The following GCC2 variants were observed in gnomAD, a reference collection of about 807,000 sequenced individuals.
GCC2 encodes GRIP and coiled-coil domain-containing protein 2.
In GCC2, 120 loss-of-function variants were observed where a neutral mutation model predicts 210.6. The observed-to-expected ratio is 0.57, with a 90% CI of 0.49 to 0.66. GCC2 has a LOEUF of 0.66. Among genes scored for constraint, GCC2 ranks in the 30% least tolerant of loss-of-function variants. GCC2 has a pLI of 0.00. For synonymous variants in GCC2, 703 were observed against 652.7 expected (o/e 1.08, Z -1.17); for missense variants, 1,868 against 1,871.9 (o/e 1.00, Z 0.04).
At chr2:108,487,214 G>GAT (rs1176837045) in intron 16 of GCC2, among the ~76,000 whole-genome samples, 3 of 152,146 alleles carry the variant, frequency 2.0e-5, no homozygotes, top group South Asian at 4.1e-4. Context: ...AAAAAGAGGG[G>GAT]ATATCATAAG....
chr2:108,493,703 T>C (rs1682512765), intron 19 of GCC2: 4 of 985,324 alleles, frequency 4.1e-6, no homozygotes, highest in South Asian at 4.7e-5. Flanking sequence ...ATGGGAAATA[T>C]TGTCACTGGA....
chr2:108,459,022 C>G (rs938342108), intron 4 of GCC2, among the ~76,000 whole-genome samples: 3 of 151,928 alleles, frequency 2.0e-5, no homozygotes, highest in Non-Finnish European at 4.4e-5. Context: ...TGTTTGAAAT[C>G]TTTTTACTTT....
intron 18 of GCC2, among the ~76,000 whole-genome samples, chr2:108,491,783 TTA>T (rs1023210510): frequency 2.6e-5 from 4 of 150,994 alleles, no homozygotes; most frequent in African/African-American, 7.3e-5. Context: ...ATTTATTTAT[TTA>T]TTTTTTTTAC....
intron 1 of GCC2, among the ~76,000 whole-genome samples, 160 bp downstream of exon 1, chr2:108,449,440 G>C (rs1350722758): frequency 6.6e-6 from 1 of 152,186 alleles, no homozygotes; most frequent in Admixed American, 6.5e-5. Context: ...ATCCCTGGGG[G>C]TTACCTGCCC....
intron 15 of GCC2, among the ~76,000 whole-genome samples, chr2:108,486,270 A>G (rs1049979033): frequency 1.2e-4 from 19 of 152,292 alleles, no homozygotes; most frequent in Non-Finnish European, 2.1e-4. Flanking sequence ...TAAACATTGT[A>G]TGTTAAATAT....
Position 108,471,763 on chromosome 2 carries a change from GAA to G in GCC2, c.2438_2439del (p.Lys813ArgfsTer3). 6.2e-7 allele frequency: 1 copy of G among 1,612,944 alleles called. No homozygotes were observed. The highest frequency in any genetic ancestry group is 8.5e-7 in the Non-Finnish European group (1 of 1,179,548). ...FQRDEKVLEL[E>X]KEIKCLQEES... is the part of the protein sequence containing the mutation. Reference sequence around the variant, plus strand: ...GCGTGATGAAAAAGTATTAGAGTTAGAAAAAGAGATTAAGTGCCTTCAAGAAG... The same window carrying G: ...GCGTGATGAAAAAGTATTAGAGTTAGAAAGAGATTAAGTGCCTTCAAGAAG... On this transcript the variant is annotated frameshift_variant, in exon 6 of 23. Transcript: ENST00000309863. LOFTEE classifies it high-confidence loss of function.
intron 7 of GCC2, 169 bp downstream of exon 7, chr2:108,473,068 C>G: frequency 2.1e-6 from 1 of 485,386 alleles, no homozygotes; most frequent in Non-Finnish European, 3.6e-6. Context: ...TTTGCCTTCT[C>G]TTTCAAAAGT....
intron 7 of GCC2, among the ~76,000 whole-genome samples, chr2:108,474,206 T>C (rs982301451): frequency 6.6e-6 from 1 of 151,926 alleles, no homozygotes; most frequent in Non-Finnish European, 1.5e-5. Context: ...CAAGGGAGTA[T>C]AGCCAAAAGA....
chr2:108,460,797 A>G (rs1680527596), intron 4 of GCC2, among the ~76,000 whole-genome samples: 1 of 152,158 alleles, frequency 6.6e-6, no homozygotes, highest in South Asian at 2.1e-4. Context: ...GCCTAGTGGG[A>G]AGTGACTGGA....
At chr2:108,468,610 C>G (rs1240752111) in intron 4 of GCC2, among the ~76,000 whole-genome samples, 1 of 152,044 alleles carries the variant, frequency 6.6e-6, no homozygotes, top group African/African-American at 2.4e-5. Flanking sequence ...GATTGTTGAC[C>G]AATCACCAAT....
chr2:108,464,739 G>A (rs1680784773), intron 4 of GCC2, among the ~76,000 whole-genome samples: 1 of 151,842 alleles, frequency 6.6e-6, no homozygotes. Flanking sequence ...AAAATGGAAG[G>A]ATGGAAGGAA....
At chr2:108,504,586 C>G (rs1683093609) in intron 22 of GCC2, among the ~76,000 whole-genome samples, 1 of 152,146 alleles carries the variant, frequency 6.6e-6, no homozygotes, top group African/African-American at 2.4e-5. Flanking sequence ...GTTAATTCAC[C>G]TTGCCCCCAC....
rs939317682 is a variant in GCC2, at chr2:108,471,179, G to A, written c.1850G>A (p.Cys617Tyr). 13 of 1,602,128 alleles carry A rather than the reference G, an allele frequency of 8.1e-6. No homozygotes were observed. The highest frequency in any genetic ancestry group is 5.4e-5 in the African/African-American group (4 of 74,354). ...HEEMDNFHKK[C>Y]EREERLILEL... ...GAAATGGATAATTTCCATAAGAAAT[G>A]TGAAAGGGAAGAAAGATTGATTCTT... The change falls in exon 6 of 23, where the codon TGT (cysteine) becomes TAT (tyrosine). Residue 617 changes from cysteine (C) to tyrosine (Y), a missense_variant. By Grantham distance (194) the Cys-to-Tyr change is radical. Coordinates refer to ENST00000309863, the MANE Select transcript of GCC2 (RefSeq NM_181453.4).
intron 9 of GCC2, among the ~76,000 whole-genome samples, chr2:108,480,269 G>A (rs112409285): frequency 2.1e-4 from 32 of 152,304 alleles, no homozygotes; most frequent in African/African-American, 6.3e-4. Flanking sequence ...ACAGGTGCTG[G>A]TAAGGTTGCA....
intron 11 of GCC2, among the ~76,000 whole-genome samples, chr2:108,482,721 G>A (rs1360752678): frequency 6.6e-6 from 1 of 152,116 alleles, no homozygotes; most frequent in Non-Finnish European, 1.5e-5. Flanking sequence ...CTGTTGCCCA[G>A]GCTGGAGTGC....
At chr2:108,496,929 G>C in intron 20 of GCC2, 41 bp from the exon 21 acceptor site, 1 of 1,610,684 alleles carries the variant, frequency 6.2e-7, no homozygotes, top group Non-Finnish European at 8.5e-7. Flanking sequence ...CATCTTTAAT[G>C]TATGATTTTG....
Position 108,484,281 on chromosome 2 carries a change from CAG to C in GCC2, c.3585_3586del (p.Lys1196ThrfsTer19). 2 of 1,538,430 alleles carry C rather than the reference CAG, an allele frequency of 1.3e-6. No homozygotes were observed. The highest frequency in any genetic ancestry group is 2.4e-5 in the South Asian group (2 of 82,538). On this transcript the variant is annotated frameshift_variant, in exon 13 of 23. Transcript: ENST00000309863. LOFTEE classifies it high-confidence loss of function. ...GGAGCAAGAAATAAAAATTCAAAAA[CAG>C]AAACAAGAAACCCTACAAGAAGAAA... ...DLEQEIKIQKQKQETLQEEIT... is the reference protein window; with the variant it reads ...DLEQEIKIQKXKQETLQEEIT...
chr2:108,487,900 ATTTTTTTTTTTTTT>A (rs1008834430), intron 17 of GCC2, 80 bp downstream of exon 17: 1 of 647,636 alleles, frequency 1.5e-6, no homozygotes, highest in Non-Finnish European at 2.2e-6. Context: ...TCCTATTATG[ATTTTTTTTTTTTTT>A]TTTTTTTTTG....
Position 108,470,279 on chromosome 2 carries a change from C to G in GCC2, c.950C>G (p.Ser317Cys), listed in dbSNP as rs1184415942. The G allele has an allele frequency of 3.1e-6, 5 of 1,613,240 alleles. No homozygotes were observed. The highest frequency in any genetic ancestry group is 4.2e-6 in the Non-Finnish European group (5 of 1,179,646). Reference protein sequence around the residue: ...SNANQDNQICSILLQENTFVE... With the variant: ...SNANQDNQICCILLQENTFVE... ...GCAAACCAAGACAATCAGATATGTT[C>G]TATTCTCTTGCAAGAAAATACATTT... Residue 317 changes from serine (S) to cysteine (C), a missense_variant, in exon 6 of 23, where the codon TCT becomes TGT. Transcript: ENST00000309863.
Sources: gnomAD v4.1 joint callset for allele counts (sites outside exome capture counted in the v4.1 genomes callset) on GRCh38, gnomAD v4.1.1 for gene constraint, MANE v1.5 for transcripts, NCBI Gene and HGNC (gene_info 2026-07-23, HGNC 2026-07-21) for gene names.